MEST: variants seen among roughly 807,000 people sequenced by gnomAD.
MEST encodes mesoderm specific transcript, also known as mesoderm-specific transcript homolog protein.
In MEST, 18 loss-of-function variants were observed where a neutral mutation model predicts 50.9. That is an observed-to-expected ratio of 0.35 (90% confidence interval 0.24 to 0.52). MEST has a LOEUF of 0.52. Ranked by LOEUF, MEST falls within the 20% of genes least tolerant of loss-of-function variation. The pLI is 0.94. For synonymous variants in MEST, 130 were observed against 154.1 expected (o/e 0.84, Z 1.16); for missense variants, 282 against 425.3 (o/e 0.66, Z 2.96).
At chr7:130,501,228 T>G (rs1030761093) in intron 9 of MEST, among the ~76,000 whole-genome samples, 3 of 152,188 alleles carry the variant, frequency 2.0e-5, no homozygotes, top group Non-Finnish European at 2.9e-5. Context: ...TACAAAGAAT[T>G]CCCATGCCTT....
At chr7:130,492,075 C>T (rs1798837340), upstream of MEST, 1 of 247,594 alleles carries the variant, frequency 4.0e-6, no homozygotes, top group Non-Finnish European at 7.7e-6. This position sits in a 1 kb window ranked among gnomAD's most constrained non-coding sequence, Gnocchi z 7.6. Context: ...GGTGCCCACT[C>T]GCTCCGCGCT....
intron 1 of MEST, chr7:130,494,860 C>T (rs1798980153): frequency 3.1e-6 from 3 of 955,476 alleles, no homozygotes; most frequent in South Asian, 9.6e-5. Flanking sequence ...TAAGTTACTA[C>T]ACACACACAC....
At chr7:130,486,952 G>C (rs1798643186) in intron 1 of MEST, 1 of 153,428 alleles carries the variant, frequency 6.5e-6, no homozygotes, top group Admixed American at 6.5e-5. Flanking sequence ...GAGCGGCAGT[G>C]GTGGCGCGGC....
rs1799460804 is a variant in MEST, at chr7:130,505,914, T to C, written c.*858T>C. 1 of 152,346 alleles carries C rather than the reference T, an allele frequency of 6.6e-6. No homozygotes were observed. Among genetic ancestry groups the C allele is most frequent in the Non-Finnish European group, 1.5e-5 (1 of 68,036 alleles). The allele number at this position is 152,346 out of a possible 1,614,324, so 9.4% of individuals were successfully genotyped here. A position where few individuals can be genotyped will look rare whatever the true frequency, so the allele number is the denominator to read the frequency against. ...CCTCATACCTCAGTGGTTAGAAGCA[T>C]GTCTCTCTTGAGCTACAGTAGAGGG... On this transcript the variant is annotated 3_prime_UTR_variant, in exon 12 of 12. Transcript: ENST00000223215.
upstream of MEST, chr7:130,487,318 CTGTT>C (rs1355648388): frequency 6.6e-6 from 1 of 152,172 alleles, no homozygotes; most frequent in Non-Finnish European, 1.5e-5. Flanking sequence ...GCCTATTTAT[CTGTT>C]TGAGTGGATA....
chr7:130,502,265 T>G (rs1402591003), intron 9 of MEST, among the ~76,000 whole-genome samples: 8 of 151,972 alleles, frequency 5.3e-5, no homozygotes, highest in African/African-American at 1.7e-4. Context: ...GGAAACCGAG[T>G]TGAAAGATCT....
At position 130,498,185 on chromosome 7, in the gene MEST, C is replaced by T. The variant is rs782149861; in HGVS notation, c.386C>T (p.Ala129Val). The change falls in exon 5 of 12, where the codon GCG becomes GTG. Residue 129 changes from alanine to valine, a missense_variant. Physicochemically the swap from Ala to Val is moderately conservative, Grantham distance 64 (BLOSUM62 0). Transcript: ENST00000223215. The stretch of plus-strand genomic sequence containing the variant: ...TTTGAGCAGGCCAGCATCGTGGAAG[C>T]GCTTTTGCGGCATCTGGGGCTCCAG... ...SIFEQASIVE[A>V]LLRHLGLQNR... The T allele has an allele frequency of 8.1e-6, 13 of 1,614,040 alleles. No homozygotes were observed. The highest frequency in any genetic ancestry group is 4.0e-5 in the African/African-American group (3 of 74,900).
At position 130,492,214 on chromosome 7, in the gene MEST, C is replaced by T. The variant is rs1399525338; in HGVS notation, c.-100C>T. 3.1e-5 allele frequency: 33 copies of T among 1,053,758 alleles called. No individual in the cohort carries two copies. Among genetic ancestry groups the T allele is most frequent in the Admixed American group, 9.0e-5 (2 of 22,240 alleles). 65.3% of individuals were successfully genotyped at this position (1,053,758 alleles called of 1,614,324 possible). On this transcript the variant is annotated 5_prime_UTR_variant, in exon 1 of 12. Coordinates refer to ENST00000223215, the MANE Select transcript of MEST (RefSeq NM_002402.4). This position sits in a 1 kb window ranked among gnomAD's most constrained non-coding sequence, Gnocchi z 7.6. The stretch of plus-strand genomic sequence containing the variant: ...GCCGCCCTGCGCGGGCTGTGGGCTG[C>T]GGGCTGCGCCCCCGCTGCTGGCCAG...
intron 11 of MEST, 49 bp downstream of exon 11, chr7:130,504,045 C>G: frequency 1.4e-6 from 2 of 1,468,228 alleles, no homozygotes; most frequent in East Asian, 2.3e-5. Context: ...CTCATCCTGA[C>G]AGTGGTAAAC....
rs1439531537 is a variant in MEST, at chr7:130,505,134, A to C, written c.*78A>C. 3.4e-5 allele frequency: 36 copies of C among 1,055,496 alleles called. No homozygotes were observed. The highest frequency in any genetic ancestry group is 5.2e-5 in the Non-Finnish European group (36 of 686,594). The allele number at this position is 1,055,496 out of a possible 1,614,324, so 65.4% of individuals were successfully genotyped here. A position where few individuals can be genotyped will look rare whatever the true frequency, so the allele number is the denominator to read the frequency against. On this transcript the variant is annotated 3_prime_UTR_variant, in exon 12 of 12. Transcript: ENST00000223215. ...GTATTCCACTTAGGAAGAAATGCCC[A>C]AAAGAGGTCCTGGCCATCAAACATA...
At position 130,492,340 on chromosome 7, in the gene MEST, G is replaced by C; in HGVS notation, c.26+1G>C. 7.5e-7 allele frequency: 1 copy of C among 1,333,040 alleles called. No individual in the cohort carries two copies. Among genetic ancestry groups the C allele is most frequent in the Non-Finnish European group, 9.6e-7 (1 of 1,038,832 alleles). 82.6% of individuals were successfully genotyped at this position (1,333,040 alleles called of 1,614,324 possible). A position where few individuals can be genotyped will look rare whatever the true frequency, so the allele number is the denominator to read the frequency against. ...TGGTGCGCCGAGATCGCCTCCGCAG[G>C]TGAGTGTGCGGTGGGAACGAGGGGG... On this transcript the variant is annotated splice_donor_variant, in intron 1 of 11. Coordinates refer to ENST00000223215, the MANE Select transcript of MEST (RefSeq NM_002402.4). LOFTEE classifies it high-confidence loss of function. The surrounding 1 kb of genome is among the most constrained non-coding windows in gnomAD (Gnocchi z 7.6).
rs1554437387 is a variant in MEST at position 130,497,646 on chromosome 7, T to TA, written c.262-283dup. On this transcript the variant is annotated intron_variant, in intron 3 of 11. Transcript: ENST00000223215. This position sits in a 1 kb window ranked among gnomAD's most constrained non-coding sequence, Gnocchi z 4.0. ...GGCTCTTGCACATTTGAATTGCTTTTAAAAAAACATTAAATGTTGAACTGT... is the reference window on the plus strand; with the variant it reads ...GGCTCTTGCACATTTGAATTGCTTTTAAAAAAAACATTAAATGTTGAACTGT... The TA allele has an allele frequency of 5.3e-6, 2 of 378,278 alleles. No individual in the cohort carries two copies. The highest frequency in any genetic ancestry group is 2.1e-5 in the African/African-American group (1 of 48,560). The allele number at this position is 378,278 out of a possible 1,614,324, so 23.4% of individuals were successfully genotyped here.
Position 130,500,935 on chromosome 7 carries a change from T to C in MEST, c.749+45T>C, listed in dbSNP as rs1179069996. On this transcript the variant is annotated intron_variant, in intron 9 of 11. Coordinates refer to ENST00000223215, the MANE Select transcript of MEST (RefSeq NM_002402.4). The surrounding 1 kb of genome is among the most constrained non-coding windows in gnomAD (Gnocchi z 5.0). The stretch of plus-strand genomic sequence containing the variant: ...TTTGGTTTCCAGAGACGTGTTTTTG[T>C]GGAGAGTGGGGATTGCTTGTTCTGT... 3 of 1,522,572 alleles carry C rather than the reference T, an allele frequency of 2.0e-6. No homozygotes were observed. Among genetic ancestry groups the C allele is most frequent in the Non-Finnish European group, 2.7e-6 (3 of 1,105,100 alleles). The allele number at this position is 1,522,572 out of a possible 1,614,324, so 94.3% of individuals were successfully genotyped here. A position where few individuals can be genotyped will look rare whatever the true frequency, so the allele number is the denominator to read the frequency against.
chr7:130,488,800 A>T (rs782199184), upstream of MEST: 3 of 152,250 alleles, frequency 2.0e-5, no homozygotes, highest in Admixed American at 6.5e-5. Flanking sequence ...TCTGTAGAAC[A>T]GAATAAAATG....
At chr7:130,492,072 A>G, upstream of MEST, 1 of 244,426 alleles carries the variant, frequency 4.1e-6, no homozygotes, top group Non-Finnish European at 7.8e-6. This position sits in a 1 kb window ranked among gnomAD's most constrained non-coding sequence, Gnocchi z 7.6. Context: ...GTCGGTGCCC[A>G]CTCGCTCCGC....
At chr7:130,496,003 G>A in intron 2 of MEST, 1 of 438,228 alleles carries the variant, frequency 2.3e-6, no homozygotes, top group South Asian at 1.7e-5. Context: ...CAGGCACTGA[G>A]TTATGTTTTC....
At chr7:130,496,827 AC>A (rs1799078895) in intron 2 of MEST, 1 of 186,632 alleles carries the variant, frequency 5.4e-6, no homozygotes, top group South Asian at 1.2e-4. Context: ...CTGAAAATTT[AC>A]TTTTCACTGA....
intron 6 of MEST, among the ~76,000 whole-genome samples, chr7:130,498,991 C>T (rs577343215): frequency 4.6e-5 from 7 of 152,100 alleles, no homozygotes; most frequent in Non-Finnish European, 7.4e-5. Flanking sequence ...TTAAATGAAA[C>T]GTTATAATGG....
intron 2 of MEST, chr7:130,496,584 G>T: frequency 5.7e-6 from 1 of 174,558 alleles, no homozygotes; most frequent in Non-Finnish European, 1.2e-5. Flanking sequence ...CATTAAAAAA[G>T]TTCATGTTTA....
Sources: gnomAD v4.1 joint callset for allele counts (sites outside exome capture counted in the v4.1 genomes callset) on GRCh38, gnomAD v4.1.1 for gene constraint, Gnocchi (gnomAD v3.1) non-coding constraint, MANE v1.5 for transcripts, NCBI Gene and HGNC (gene_info 2026-07-23, HGNC 2026-07-21) for gene names.